Variants in PPM1L observed in about 807,000 individuals in gnomAD.
PPM1L encodes the protein protein phosphatase, Mg2+/Mn2+ dependent 1L, also known as protein phosphatase 1L.
PPM1L carries 13 observed loss-of-function variants against 31.4 expected under a neutral mutation model. The ratio of observed to expected loss-of-function variants is 0.41; its 90% confidence interval spans 0.27 to 0.66. PPM1L has a LOEUF of 0.66. Among genes scored for constraint, PPM1L ranks in the 30% least tolerant of loss-of-function variants. PPM1L has a pLI of 0.29. For synonymous variants in PPM1L, 184 were observed against 175.4 expected (o/e 1.05, Z -0.39); for missense variants, 326 against 453.7 (o/e 0.72, Z 2.56).
At chr3:160,905,641 C>T (rs1012971157) in intron 1 of PPM1L, among the ~76,000 whole-genome samples, 7 of 152,038 alleles carry the variant, frequency 4.6e-5, no homozygotes, top group Admixed American at 1.3e-4. Flanking sequence ...AAGTGATTTT[C>T]GAGAGACAGA....
At chr3:160,968,043 A>C (rs2108113712) in intron 2 of PPM1L, among the ~76,000 whole-genome samples, 1 of 152,028 alleles carries the variant, frequency 6.6e-6, no homozygotes, top group East Asian at 1.9e-4. Flanking sequence ...TTTGTACCTA[A>C]TTTCTGACCA....
intron 1 of PPM1L, among the ~76,000 whole-genome samples, chr3:160,900,437 T>C (rs1205577253): frequency 6.6e-6 from 1 of 152,156 alleles, no homozygotes; most frequent in African/African-American, 2.4e-5. Context: ...AGCAGCCTTT[T>C]AATCAATACC....
rs537639930 is a variant in PPM1L, at chr3:160,940,483, T to C, written c.400-21253T>C. 6.6e-5 allele frequency among the ~76,000 whole-genome samples: 10 copies of C among 152,248 alleles called. No homozygotes were observed. In the South Asian group the frequency reaches 1.2e-3, roughly 19 times the overall value. ...TGGGCTGGGCGCAGGGTCCCTGTGC[T>C]GTGTGCAGCCTAGGGACTTGGTGCC... On this transcript the variant is annotated intron_variant, in intron 1 of 3. Coordinates refer to ENST00000498165, the MANE Select transcript of PPM1L (RefSeq NM_139245.4).
intron 1 of PPM1L, among the ~76,000 whole-genome samples, chr3:160,791,703 T>A (rs376804453): frequency 1.2e-4 from 19 of 152,102 alleles, no homozygotes; most frequent in African/African-American, 4.3e-4. Context: ...ATTAGTAATG[T>A]GATAAAAATA....
At chr3:160,907,594 A>G (rs897432327) in intron 1 of PPM1L, among the ~76,000 whole-genome samples, 1 of 152,094 alleles carries the variant, frequency 6.6e-6, no homozygotes, top group African/African-American at 2.4e-5. Context: ...CTGAGATTTT[A>G]TCATAAACTA....
At chr3:161,001,216 A>G (rs1204114805) in intron 2 of PPM1L, among the ~76,000 whole-genome samples, 1 of 152,174 alleles carries the variant, frequency 6.6e-6, no homozygotes, top group Non-Finnish European at 1.5e-5. Flanking sequence ...AAAACAAAAC[A>G]AAAAACAAAA....
Position 161,074,411 on chromosome 3 carries a change from A to G in PPM1L, c.*5254A>G, listed in dbSNP as rs1332699962. The G allele has an allele frequency of 6.6e-6, 1 of 152,244 alleles. No individual in the cohort carries two copies. The highest frequency in any genetic ancestry group is 2.4e-5 in the African/African-American group (1 of 41,466). The allele number at this position is 152,244 out of a possible 1,614,324, so 9.4% of individuals were successfully genotyped here. The stretch of plus-strand genomic sequence containing the variant: ...GGATGAAACAAATCTAGTCGAAAAC[A>G]TGGTACAGAGTGAATTAAGGCAAAA... On this transcript the variant is annotated 3_prime_UTR_variant, in exon 4 of 4. Transcript: ENST00000498165.
At chr3:160,913,746 C>T (rs920524115) in intron 1 of PPM1L, among the ~76,000 whole-genome samples, 4 of 152,124 alleles carry the variant, frequency 2.6e-5, no homozygotes, top group African/African-American at 9.7e-5. Flanking sequence ...CATTCCTTTT[C>T]ATTTCTGACT....
intron 1 of PPM1L, among the ~76,000 whole-genome samples, chr3:160,761,479 T>C (rs1023834573): frequency 6.6e-6 from 1 of 152,222 alleles, no homozygotes; most frequent in African/African-American, 2.4e-5. Context: ...ATTACCTATT[T>C]ATCTTAAGGA....
At chr3:161,010,062 G>A (rs1245501176) in intron 2 of PPM1L, among the ~76,000 whole-genome samples, 3 of 152,046 alleles carry the variant, frequency 2.0e-5, no homozygotes, top group African/African-American at 7.3e-5. Context: ...GTGCAGGTTT[G>A]TTACACATGT....
At chr3:161,020,139 A>C (rs1341548748) in intron 2 of PPM1L, among the ~76,000 whole-genome samples, 2 of 152,112 alleles carry the variant, frequency 1.3e-5, no homozygotes, top group African/African-American at 4.8e-5. Flanking sequence ...AAAAAAAAAA[A>C]AAGTTGTACT....
At chr3:160,775,256 G>T (rs948556342) in intron 1 of PPM1L, among the ~76,000 whole-genome samples, 2 of 152,190 alleles carry the variant, frequency 1.3e-5, no homozygotes, top group Non-Finnish European at 2.9e-5. Context: ...AAGCTATCCT[G>T]TTCCAGTCCC....
rs868080999 is a variant in PPM1L, at chr3:160,786,187, G to A, written c.399+29480G>A. On this transcript the variant is annotated intron_variant, in intron 1 of 3. Transcript: ENST00000498165. Reference sequence around the variant, plus strand: ...TGTGTGTGTGTGTGTGTGTGTGTGTGTATATATATATATATATATATTTTT... The same window carrying A: ...TGTGTGTGTGTGTGTGTGTGTGTGTATATATATATATATATATATATTTTT... 7.4e-3 allele frequency among the ~76,000 whole-genome samples: 291 copies of A among 39,424 alleles called. 4 individuals are homozygous for A. The highest frequency in any genetic ancestry group is 0.037 in the African/African-American group (194 of 5,290). 25.9% of individuals were successfully genotyped at this position (39,424 alleles called of 152,430 possible).
At chr3:160,976,722 C>G (rs996997564) in intron 2 of PPM1L, among the ~76,000 whole-genome samples, 30 of 152,060 alleles carry the variant, frequency 2.0e-4, no homozygotes, top group African/African-American at 7.2e-4. Context: ...GTGGTGATAT[C>G]CCCTTTATCA....
chr3:160,831,848 A>C (rs1407937288), intron 1 of PPM1L, among the ~76,000 whole-genome samples: 15 of 152,166 alleles, frequency 9.9e-5, no homozygotes, highest in Admixed American at 3.9e-4. Context: ...GATATGCCTG[A>C]CATGTTCCAG....
At chr3:160,918,362 A>G (rs1714265015) in intron 1 of PPM1L, among the ~76,000 whole-genome samples, 2 of 152,254 alleles carry the variant, frequency 1.3e-5, no homozygotes, top group South Asian at 4.1e-4. Context: ...ATAACTTCTG[A>G]GGAACCAAGA....
chr3:160,944,830 A>T (rs1458285847), intron 1 of PPM1L, among the ~76,000 whole-genome samples: 1 of 35,638 alleles, frequency 2.8e-5, no homozygotes, highest in African/African-American at 7.3e-5. Context: ...GTTATATATA[A>T]CATATATATG....
At chr3:160,913,978 T>A (rs780748523) in intron 1 of PPM1L, among the ~76,000 whole-genome samples, 1 of 152,226 alleles carries the variant, frequency 6.6e-6, no homozygotes, top group African/African-American at 2.4e-5. Context: ...ATGTTAAGTA[T>A]ATGTTTAGCT....
chr3:160,911,364 T>C (rs986714630), intron 1 of PPM1L, among the ~76,000 whole-genome samples: 4 of 152,156 alleles, frequency 2.6e-5, no homozygotes, highest in Non-Finnish European at 5.9e-5. Flanking sequence ...TCCTCAACCA[T>C]AGCTGTCTAG....
Sources: gnomAD v4.1 joint callset for allele counts (sites outside exome capture counted in the v4.1 genomes callset) on GRCh38, gnomAD v4.1.1 for gene constraint, MANE v1.5 for transcripts, NCBI Gene and HGNC (gene_info 2026-07-23, HGNC 2026-07-21) for gene names.